The following EML4 variants were observed in gnomAD, a reference collection of about 807,000 sequenced individuals.
The protein encoded by EML4 is EMAP like 4, also known as echinoderm microtubule-associated protein-like 4.
EML4 carries 72 observed loss-of-function variants against 129.0 expected under a neutral mutation model. That is an observed-to-expected ratio of 0.56 (90% CI 0.46 to 0.68). The LOEUF (loss-of-function observed/expected upper bound fraction) is 0.68. Among genes scored for constraint, EML4 ranks in the 30% least tolerant of loss-of-function variants. The probability of loss-of-function intolerance (pLI) is 0.00; values close to 1 mark genes in which losing one functional copy is unlikely to be tolerated. For missense variants in EML4, 1,363 were observed against 1,190.6 expected, an observed-to-expected ratio of 1.14 and a Z score of -2.13; for synonymous variants, 532 against 405.0, an observed-to-expected ratio of 1.31 and a Z score of -3.77.
intron 1 of EML4, among the ~76,000 whole-genome samples, chr2:42,191,115 C>T (rs527536471): frequency 1.3e-5 from 2 of 152,148 alleles, no homozygotes; most frequent in South Asian, 4.2e-4. Context: ...TGATTGCATT[C>T]GTTGAATAGT....
intron 1 of EML4, among the ~76,000 whole-genome samples, chr2:42,210,076 A>G (rs1672798957): frequency 1.3e-5 from 2 of 152,238 alleles, no homozygotes; most frequent in African/African-American, 2.4e-5. Context: ...TTATATTAGT[A>G]TGGTACATTA....
chr2:42,326,026 G>T, intron 20 of EML4, 128 bp from the exon 21 acceptor site: 1 of 1,212,836 alleles, frequency 8.2e-7, no homozygotes, highest in Non-Finnish European at 1.1e-6. Context: ...CTTTTTAAAT[G>T]TGTCTTAATG....
intron 17 of EML4, 93 bp downstream of exon 17, chr2:42,304,644 C>A: frequency 5.3e-6 from 5 of 941,190 alleles, no homozygotes; most frequent in South Asian, 1.4e-5. Flanking sequence ...GAATTAATCT[C>A]TTAAGTGGCA....
At chr2:42,306,484 CTTTTTT>C (rs375707062) in intron 17 of EML4, among the ~76,000 whole-genome samples, 1,980 of 74,514 alleles carry the variant, frequency 0.027, 46 homozygotes, top group African/African-American at 0.088. Flanking sequence ...GTGCTAAATC[CTTTTTT>C]TTTTTTTTTT....
intron 1 of EML4, among the ~76,000 whole-genome samples, chr2:42,243,612 G>C (rs1675179574): frequency 6.6e-6 from 1 of 152,172 alleles, no homozygotes; most frequent in Non-Finnish European, 1.5e-5. Context: ...AGAATTTGAA[G>C]TCTAGATTAA....
At chr2:42,225,737 G>A (rs1486194383) in intron 1 of EML4, among the ~76,000 whole-genome samples, 1 of 152,002 alleles carries the variant, frequency 6.6e-6, no homozygotes, top group African/African-American at 2.4e-5. Flanking sequence ...AGTTTGCCTA[G>A]TCATGTCTTT....
At chr2:42,300,717 G>A (rs184347451) in intron 13 of EML4, among the ~76,000 whole-genome samples, 8 of 152,282 alleles carry the variant, frequency 5.3e-5, no homozygotes, top group Non-Finnish European at 7.4e-5. Flanking sequence ...AACGTTAAAC[G>A]TTGTGACTGT....
chr2:42,318,965 C>G lies in EML4; in HGVS notation c.2154+1441C>G, dbSNP rs573648453. ...AAGCAGTCCTCCCACCTCAGCCTCC[C>G]GAAGTGATGAGATTAGGCATGAGCC... On this transcript the variant is annotated intron_variant, in intron 19 of 22. Coordinates refer to ENST00000318522, the MANE Select transcript of EML4 (RefSeq NM_019063.5). Among the ~76,000 whole-genome samples the G allele has an allele frequency of 8.4e-4, 127 of 152,034 alleles. 1 individual carries two copies. Among genetic ancestry groups the G allele is most frequent in the Admixed American group, 2.4e-3 (36 of 15,264 alleles).
chr2:42,317,127 C>T (rs886073421), intron 18 of EML4, among the ~76,000 whole-genome samples: 2 of 152,142 alleles, frequency 1.3e-5, no homozygotes, highest in Non-Finnish European at 2.9e-5. Flanking sequence ...GTCCACTCAG[C>T]CTGCCATGTA....
intron 1 of EML4, among the ~76,000 whole-genome samples, chr2:42,241,382 A>G (rs1396660770): frequency 6.6e-6 from 1 of 152,168 alleles, no homozygotes; most frequent in Non-Finnish European, 1.5e-5. Context: ...TGACCCTGTA[A>G]TTGATCATCC....
At chr2:42,317,152 C>T (rs1211653614) in intron 18 of EML4, among the ~76,000 whole-genome samples, 1 of 152,160 alleles carries the variant, frequency 6.6e-6, no homozygotes, top group Non-Finnish European at 1.5e-5. Context: ...CTGTACCCTT[C>T]CACCCAAGAA....
chr2:42,268,649 G>A (rs181407527), intron 6 of EML4, among the ~76,000 whole-genome samples: 7 of 152,116 alleles, frequency 4.6e-5, no homozygotes, highest in African/African-American at 1.7e-4. Context: ...TGTTTCCCAG[G>A]CGTGTCTCAA....
chr2:42,228,348 T>A (rs770197057), intron 1 of EML4, among the ~76,000 whole-genome samples: 4 of 152,140 alleles, frequency 2.6e-5, no homozygotes, highest in Non-Finnish European at 5.9e-5. Context: ...AGGATCGACA[T>A]AGTTTTAGGA....
At chr2:42,201,211 A>G (rs1271512622) in intron 1 of EML4, among the ~76,000 whole-genome samples, 1 of 152,256 alleles carries the variant, frequency 6.6e-6, no homozygotes, top group East Asian at 1.9e-4. Flanking sequence ...AAGTAAATAT[A>G]TAAAACTAAT....
At chr2:42,245,015 G>A (rs1426706077) in intron 1 of EML4, among the ~76,000 whole-genome samples, 2 of 150,742 alleles carry the variant, frequency 1.3e-5, no homozygotes, top group Admixed American at 6.6e-5. Context: ...AATTAAGATA[G>A]CTATAAAAGT....
chr2:42,187,271 A>C (rs1671313412), intron 1 of EML4, among the ~76,000 whole-genome samples: 1 of 151,114 alleles, frequency 6.6e-6, no homozygotes, highest in Non-Finnish European at 1.5e-5. Context: ...CTGGTCTTGA[A>C]CTCTGGGCTC....
intron 1 of EML4, among the ~76,000 whole-genome samples, chr2:42,177,002 AGGCCTG>A (rs1670644994): frequency 6.6e-6 from 1 of 152,138 alleles, no homozygotes; most frequent in Non-Finnish European, 1.5e-5. Flanking sequence ...CATGTTGGCC[AGGCCTG>A]TCTCAAACTC....
intron 13 of EML4, among the ~76,000 whole-genome samples, chr2:42,297,723 T>A (rs2103693459): frequency 6.6e-6 from 1 of 152,318 alleles, no homozygotes; most frequent in South Asian, 2.1e-4. Flanking sequence ...CTATGACATT[T>A]CTGCACCTGT....
intron 1 of EML4, among the ~76,000 whole-genome samples, chr2:42,179,669 C>T (rs1354129922): frequency 9.9e-5 from 15 of 152,160 alleles, no homozygotes; most frequent in Admixed American, 9.8e-4. Context: ...GTGGCATGAT[C>T]TTGGCTCACT....
Sources: gnomAD v4.1 joint callset for allele counts (sites outside exome capture counted in the v4.1 genomes callset) on GRCh38, gnomAD v4.1.1 for gene constraint, MANE v1.5 for transcripts, NCBI Gene and HGNC (gene_info 2026-07-23, HGNC 2026-07-21) for gene names.